POFUT4: variants seen among roughly 807,000 people sequenced by gnomAD.
POFUT4 encodes GDP-fucose protein O-fucosyltransferase 4.
At chr10:73,775,734 C>G in the POFUT4 span, 1 of 1,595,618 alleles carries the variant, frequency 6.3e-7, no homozygotes, top group Non-Finnish European at 8.6e-7. Flanking sequence ...AGATCTTATT[C>G]TACCATGGGA....
chr10:73,773,465 G>A, the POFUT4 span: 5 of 1,614,260 alleles, frequency 3.1e-6, no homozygotes, highest in Non-Finnish European at 4.2e-6. Context: ...ATGATTTTGA[G>A]TCTCCTCAGA....
chr10:73,773,612 T>C, the POFUT4 span: 1 of 1,614,234 alleles, frequency 6.2e-7, no homozygotes, highest in South Asian at 1.1e-5. Context: ...GAGTGAATGA[T>C]CCTTTGCTGC....
the POFUT4 span, chr10:73,773,952 C>A: frequency 1.0e-6 from 1 of 961,190 alleles, no homozygotes; most frequent in Non-Finnish European, 1.5e-6. Context: ...AAGGTGTCAA[C>A]AGTCTAGTTG....
chr10:73,772,607 G>A, the POFUT4 span: 9 of 1,565,896 alleles, frequency 5.7e-6, no homozygotes, highest in African/African-American at 1.4e-5. Flanking sequence ...CTTCCCGGGA[G>A]ACTCGGAGCG....
the POFUT4 span, chr10:73,775,624 CAG>C: frequency 3.1e-6 from 5 of 1,614,086 alleles, no homozygotes; most frequent in East Asian, 2.2e-5. Flanking sequence ...AACAATGAAA[CAG>C]AGCAGACGAA....
At chr10:73,773,860 C>G in the POFUT4 span, 1 of 1,510,954 alleles carries the variant, frequency 6.6e-7, no homozygotes, top group Non-Finnish European at 8.8e-7. Context: ...CATTTACTTA[C>G]TTGCTTACTG....
chr10:73,773,593 G>A, the POFUT4 span: 4 of 1,614,138 alleles, frequency 2.5e-6, no homozygotes, highest in East Asian at 2.2e-5. Flanking sequence ...CTGAAGCATC[G>A]GGAGTGGGGA....
At chr10:73,773,181 C>T in the POFUT4 span, 2 of 1,600,616 alleles carry the variant, frequency 1.2e-6, no homozygotes, top group Non-Finnish European at 1.7e-6. Flanking sequence ...CTTACTGTAC[C>T]CGGTCTAGGT....
chr10:73,772,352 A>G, the POFUT4 span: 3 of 1,479,242 alleles, frequency 2.0e-6, no homozygotes, highest in Admixed American at 2.6e-5. Flanking sequence ...CGGCCCCATT[A>G]GGGTGGTGTT....
chr10:73,772,761 C>T, the POFUT4 span: 3 of 1,606,388 alleles, frequency 1.9e-6, no homozygotes, highest in Non-Finnish European at 2.5e-6. Flanking sequence ...CAGAGCTGGG[C>T]GCTCCTCCAC....
the POFUT4 span, chr10:73,773,595 G>C: frequency 6.2e-7 from 1 of 1,614,272 alleles, no homozygotes; most frequent in Non-Finnish European, 8.5e-7. Context: ...GAAGCATCGG[G>C]AGTGGGGAGT....
chr10:73,773,156 C>T, the POFUT4 span: 7 of 1,566,782 alleles, frequency 4.5e-6, no homozygotes, highest in Non-Finnish European at 6.0e-6. Context: ...TCCAGGGCCG[C>T]ACCCTCATGA....
At chr10:73,772,723 G>GGCCGCCCCGCT in the POFUT4 span, 1 of 1,590,628 alleles carries the variant, frequency 6.3e-7, no homozygotes, top group East Asian at 2.3e-5. Flanking sequence ...TCCGCGCGTC[G>GGCCGCCCCGCT]GCCGCCCCGC....
the POFUT4 span, chr10:73,772,889 G>A: frequency 1.2e-6 from 2 of 1,611,954 alleles, no homozygotes; most frequent in Non-Finnish European, 8.5e-7. Context: ...GTGGCTGCCC[G>A]GGACCGCCTA....
the POFUT4 span, among the ~76,000 whole-genome samples, chr10:73,777,099 G>A: frequency 1.3e-5 from 2 of 152,146 alleles, no homozygotes. Flanking sequence ...CATTTATGGT[G>A]TATCTGGGAT....
At chr10:73,772,331 G>C in the POFUT4 span, 1 of 1,449,684 alleles carries the variant, frequency 6.9e-7, no homozygotes, top group Non-Finnish European at 9.1e-7. Context: ...TGCCGGAGTG[G>C]ACATGGCGGC....
chr10:73,773,454 G>A, the POFUT4 span: 24 of 1,614,238 alleles, frequency 1.5e-5, no homozygotes, highest in Non-Finnish European at 2.0e-5. Context: ...CATCCTGATT[G>A]ATGATTTTGA....
the POFUT4 span, chr10:73,772,316 C>G: frequency 7.0e-7 from 1 of 1,422,464 alleles, no homozygotes; most frequent in African/African-American, 1.5e-5. Flanking sequence ...CGAGGGGGCG[C>G]CGGCTGCCGG....
chr10:73,773,144 C>CTCCAGGTGTCCAGGA, the POFUT4 span: 2 of 1,492,628 alleles, frequency 1.3e-6, no homozygotes, highest in African/African-American at 2.9e-5. Flanking sequence ...GGTGTCCAGG[C>CTCCAGGTGTCCAGGA]CTCCAGGGCC....
Sources: allele counts gnomAD v4.1 joint callset (sites outside exome capture counted in the v4.1 genomes callset), GRCh38; gene constraint gnomAD v4.1.1; transcripts MANE v1.5; gene names NCBI Gene and HGNC (gene_info 2026-07-23, HGNC 2026-07-21).